NELL2: variants seen among roughly 807,000 people sequenced by gnomAD.
The protein encoded by NELL2 is neural EGFL like 2, also known as protein kinase C-binding protein NELL2.
A neutral mutation model predicts 109.6 loss-of-function variants in NELL2; 41 were observed. The observed-to-expected ratio is 0.37, with a 90% CI of 0.29 to 0.49. The LOEUF (loss-of-function observed/expected upper bound fraction) is 0.49. Ranked by LOEUF, NELL2 falls within the 20% of genes least tolerant of loss-of-function variation. NELL2 has a pLI of 0.98. For synonymous variants in NELL2, 355 were observed against 344.7 expected, an observed-to-expected ratio of 1.03 and a Z score of -0.33; for missense variants, 900 against 1,008.3, an observed-to-expected ratio of 0.89 and a Z score of 1.45.
At chr12:44,533,302 A>C (rs975278552) in intron 15 of NELL2, among the ~76,000 whole-genome samples, 1 of 152,140 alleles carries the variant, frequency 6.6e-6, no homozygotes, top group Non-Finnish European at 1.5e-5. Flanking sequence ...CTTAGTTGAC[A>C]CTCTAATATA....
rs74744221 is a variant in NELL2 at position 44,894,269 on chromosome 12, G to T, written c.39-18369C>A. Among the ~76,000 whole-genome samples the T allele has an allele frequency of 6.5e-4, 99 of 152,116 alleles. 3 individuals carry two copies. In the East Asian group the frequency reaches 0.019, roughly 29 times the overall value. ...TTTTCCTGCTTGTTAACTTATCTAGGTTGGCTTGATGACAATGTTACTCTC... is the reference window on the plus strand; with the variant it reads ...TTTTCCTGCTTGTTAACTTATCTAGTTTGGCTTGATGACAATGTTACTCTC... On this transcript the variant is annotated intron_variant, in intron 1 of 20. Transcript: ENST00000333837.
chr12:44,914,891 C>T (rs1023428822), upstream of NELL2, among the ~76,000 whole-genome samples: 1 of 151,854 alleles, frequency 6.6e-6, no homozygotes, highest in East Asian at 1.9e-4. Context: ...CATCTGTCGC[C>T]CAGGCTGGAG....
At chr12:44,747,049 C>T (rs985373851) in intron 9 of NELL2, among the ~76,000 whole-genome samples, 6 of 152,142 alleles carry the variant, frequency 3.9e-5, no homozygotes, top group African/African-American at 1.4e-4. Context: ...GGAACCAACC[C>T]AAATGTCCAA....
At chr12:44,518,492 A>G (rs879012279) in intron 19 of NELL2, among the ~76,000 whole-genome samples, 7 of 151,898 alleles carry the variant, frequency 4.6e-5, no homozygotes, top group African/African-American at 9.7e-5. Context: ...TGATCCGCCC[A>G]CCTCAGCCTC....
chr12:44,695,598 A>G (rs529941254), intron 12 of NELL2, among the ~76,000 whole-genome samples: 3 of 152,220 alleles, frequency 2.0e-5, no homozygotes, highest in African/African-American at 7.2e-5. Flanking sequence ...AAATTAATTA[A>G]AAGTGGTAAA....
intron 1 of NELL2, among the ~76,000 whole-genome samples, chr12:44,885,581 G>A (rs961911859): frequency 6.6e-6 from 1 of 151,484 alleles, no homozygotes; most frequent in Non-Finnish European, 1.5e-5. Flanking sequence ...ATAAAATACA[G>A]GCAAGATTTT....
intron 15 of NELL2, among the ~76,000 whole-genome samples, chr12:44,544,619 T>C (rs1942719022): frequency 6.6e-6 from 1 of 152,166 alleles, no homozygotes; most frequent in Non-Finnish European, 1.5e-5. Context: ...TGTTGTTTGG[T>C]ATCTTTTAAC....
At chr12:44,832,905 C>T (rs754684719) in intron 2 of NELL2, among the ~76,000 whole-genome samples, 6 of 152,118 alleles carry the variant, frequency 3.9e-5, no homozygotes, top group African/African-American at 9.7e-5. Flanking sequence ...AAAGGAATAA[C>T]GGAGGACCTA....
intron 5 of NELL2, 118 bp from the exon 6 acceptor site, chr12:44,777,432 A>G (rs1297538350): frequency 7.7e-6 from 6 of 780,468 alleles, no homozygotes; most frequent in Non-Finnish European, 6.4e-6. Flanking sequence ...CCCTGAGTAA[A>G]AAGTCTTTGT....
At chr12:44,775,960 T>C in intron 8 of NELL2, 62 bp downstream of exon 8, 1 of 1,563,798 alleles carries the variant, frequency 6.4e-7, no homozygotes, top group Non-Finnish European at 8.6e-7. Flanking sequence ...ATTGTTTTAA[T>C]AAATTTTTAA....
At chr12:44,798,528 T>C (rs1942711792) in intron 3 of NELL2, among the ~76,000 whole-genome samples, 1 of 152,110 alleles carries the variant, frequency 6.6e-6, no homozygotes, top group Non-Finnish European at 1.5e-5. Context: ...GAAACAATAC[T>C]GAAAGAAATT....
At chr12:44,855,962 T>C (rs1944671747) in intron 2 of NELL2, among the ~76,000 whole-genome samples, 1 of 152,192 alleles carries the variant, frequency 6.6e-6, no homozygotes, top group Admixed American at 6.5e-5. Context: ...GAAAGAGCTC[T>C]TCAGCTTTCA....
At chr12:44,886,130 AG>A (rs1217559754) in intron 1 of NELL2, among the ~76,000 whole-genome samples, 15 of 149,364 alleles carry the variant, frequency 1.0e-4, no homozygotes, top group African/African-American at 3.4e-4. Context: ...GAAGGAAGGA[AG>A]GAAGGAAGGA....
At chr12:44,546,069 T>A (rs2136156648) in intron 15 of NELL2, among the ~76,000 whole-genome samples, 1 of 152,248 alleles carries the variant, frequency 6.6e-6, no homozygotes, top group African/African-American at 2.4e-5. Flanking sequence ...TGAGCTCACT[T>A]ACTGGTTATT....
chr12:44,919,169 C>A (rs1381292746), intron 1 of NELL2, among the ~76,000 whole-genome samples: 1 of 152,118 alleles, frequency 6.6e-6, no homozygotes, highest in Non-Finnish European at 1.5e-5. Context: ...GATACAACTG[C>A]CTATCTGTAA....
intron 7 of NELL2, 106 bp from the exon 8 acceptor site, chr12:44,776,256 G>T: frequency 3.6e-6 from 4 of 1,101,172 alleles, no homozygotes; most frequent in East Asian, 2.7e-5. Flanking sequence ...CAATGATGAT[G>T]GCTGTGCTTA....
intron 18 of NELL2, among the ~76,000 whole-genome samples, chr12:44,521,064 A>G (rs1322624804): frequency 1.3e-5 from 2 of 152,202 alleles, no homozygotes; most frequent in East Asian, 3.8e-4. Context: ...AGACACATAG[A>G]CCAATTTTCC....
At position 44,872,735 on chromosome 12, in the gene NELL2, T is replaced by A. The variant is rs772768509; in HGVS notation, c.184+2490A>T. Among the ~76,000 whole-genome samples, 18 of 152,204 alleles carry A rather than the reference T, an allele frequency of 1.2e-4. No homozygotes were observed. The South Asian group carries it at 1.2e-3, about 10-fold the overall frequency. ...ATATCTGATAGCACAAAGAAACTTA[T>A]ATGATAGGTTCATATGAAACCTGAG... On this transcript the variant is annotated intron_variant, in intron 2 of 19. Coordinates refer to ENST00000429094, the MANE Select transcript of NELL2 (RefSeq NM_001145108.2).
intron 7 of NELL2, among the ~76,000 whole-genome samples, 167 bp from the exon 8 acceptor site, chr12:44,776,317 TG>T (rs1266916260): frequency 6.6e-6 from 1 of 151,786 alleles, no homozygotes; most frequent in Non-Finnish European, 1.5e-5. Context: ...TTTAAAAGAA[TG>T]TTTTTTTCTC....
Sources: gnomAD v4.1 joint callset for allele counts (sites outside exome capture counted in the v4.1 genomes callset) on GRCh38, gnomAD v4.1.1 for gene constraint, MANE v1.5 for transcripts, NCBI Gene and HGNC (gene_info 2026-07-23, HGNC 2026-07-21) for gene names.